Variants in DLG2 observed in about 807,000 individuals in gnomAD.
The protein encoded by DLG2 is disks large homolog 2.
Under a neutral mutation model 132.5 loss-of-function variants are expected in DLG2, and 45 were observed. That is an observed-to-expected ratio of 0.34 (90% CI 0.27 to 0.44). DLG2 has a LOEUF of 0.44. Ranked by LOEUF, DLG2 falls within the 20% of genes least tolerant of loss-of-function variation. DLG2 has a pLI of 1.00. For missense variants in DLG2, 1,045 were observed against 1,196.9 expected, an observed-to-expected ratio of 0.87 and a Z score of 1.87; for synonymous variants, 424 against 419.6, an observed-to-expected ratio of 1.01 and a Z score of -0.13.
intron 3 of DLG2, among the ~76,000 whole-genome samples, chr11:85,508,442 T>G (rs960930567): frequency 6.6e-6 from 1 of 152,056 alleles, no homozygotes; most frequent in African/African-American, 2.4e-5. Flanking sequence ...TGTCACTTTA[T>G]TAGAAATGCC....
intron 6 of DLG2, among the ~76,000 whole-genome samples, chr11:85,015,078 G>A (rs1483812517): frequency 6.6e-6 from 1 of 152,056 alleles, no homozygotes; most frequent in Non-Finnish European, 1.5e-5. Context: ...GTTCATTGAA[G>A]GCAGCTAAGT....
At chr11:83,861,523 T>C (rs906892307) in intron 16 of DLG2, among the ~76,000 whole-genome samples, 21 of 152,158 alleles carry the variant, frequency 1.4e-4, no homozygotes, top group African/African-American at 4.8e-4. Context: ...GTGGTATGTA[T>C]ACACAATGGA....
At chr11:85,471,198 A>C (rs182600346) in intron 3 of DLG2, among the ~76,000 whole-genome samples, 111 of 152,354 alleles carry the variant, frequency 7.3e-4, no homozygotes, top group African/African-American at 2.6e-3. Flanking sequence ...GGATGAAAAA[A>C]TTGGGCAAGA....
At chr11:84,159,991 G>A (rs1210068724) in intron 9 of DLG2, among the ~76,000 whole-genome samples, 3 of 152,136 alleles carry the variant, frequency 2.0e-5, no homozygotes, top group Non-Finnish European at 4.4e-5. Context: ...AGAATATTAG[G>A]GCAGCAGTTA....
At chr11:84,351,687 T>A (rs1055972634) in intron 7 of DLG2, among the ~76,000 whole-genome samples, 6 of 152,174 alleles carry the variant, frequency 3.9e-5, no homozygotes, top group Admixed American at 3.9e-4. Context: ...TTTTGACAAA[T>A]TTGTAGTCAG....
Position 84,051,308 on chromosome 11 carries a change from G to T in DLG2, c.919+8007C>A, listed in dbSNP as rs1387756732. 3.3e-5 allele frequency among the ~76,000 whole-genome samples: 5 copies of T among 151,748 alleles called. No individual in the cohort carries two copies. In the East Asian group the frequency reaches 9.7e-4, roughly 30 times the overall value. On this transcript the variant is annotated intron_variant, in intron 11 of 27. Coordinates refer to ENST00000376104, the MANE Select transcript of DLG2 (RefSeq NM_001142699.3). ...CAAAGGATTATAAATCGTGTTGCTAGAAAGACACATGCACACGTATGTTTA... is the reference window on the plus strand; with the variant it reads ...CAAAGGATTATAAATCGTGTTGCTATAAAGACACATGCACACGTATGTTTA...
intron 6 of DLG2, among the ~76,000 whole-genome samples, chr11:84,809,582 A>G (rs1216890160): frequency 6.6e-6 from 1 of 151,982 alleles, no homozygotes; most frequent in Non-Finnish European, 1.5e-5. Context: ...TCAGTAGGGT[A>G]ACACTATAAA....
At chr11:85,370,124 G>C (rs914946267) in intron 3 of DLG2, among the ~76,000 whole-genome samples, 2 of 152,130 alleles carry the variant, frequency 1.3e-5, no homozygotes, top group African/African-American at 4.8e-5. Context: ...CTGACATACG[G>C]AACTAACCAT....
chr11:83,487,591 G>C (rs183731317), intron 21 of DLG2, among the ~76,000 whole-genome samples: 97 of 152,128 alleles, frequency 6.4e-4, no homozygotes, highest in African/African-American at 2.3e-3. Context: ...ACTTAAGCCT[G>C]CTTCAAGTTT....
chr11:85,459,064 G>A (rs922513166), intron 3 of DLG2, among the ~76,000 whole-genome samples: 9 of 152,190 alleles, frequency 5.9e-5, no homozygotes, highest in African/African-American at 1.7e-4. Flanking sequence ...AGGGTGTCAG[G>A]GACAGGTAAC....
intron 3 of DLG2, among the ~76,000 whole-genome samples, chr11:85,467,608 A>G (rs988245899): frequency 6.6e-6 from 1 of 152,232 alleles, no homozygotes; most frequent in Non-Finnish European, 1.5e-5. Context: ...ATGCTGGATT[A>G]CATTTATTGA....
At position 85,017,368 on chromosome 11, in the gene DLG2, T is replaced by A. The variant is rs867307513; in HGVS notation, c.357+94293A>T. ...TTCTCTTTCTCCACTTTTTTTTTTA[T>A]TCCTTTCTTCCTGTAACCTGATTTT... On this transcript the variant is annotated intron_variant, in intron 6 of 27. Coordinates refer to ENST00000376104, the MANE Select transcript of DLG2 (RefSeq NM_001142699.3). Among the ~76,000 whole-genome samples, 69 of 138,922 alleles carry A rather than the reference T, an allele frequency of 5.0e-4. 2 individuals carry two copies. The highest frequency in any genetic ancestry group is 1.7e-3 in the African/African-American group (62 of 36,460). 91.1% of individuals were successfully genotyped at this position (138,922 alleles called of 152,430 possible). A position where few individuals can be genotyped will look rare whatever the true frequency, so the allele number is the denominator to read the frequency against.
At chr11:85,051,084 G>A (rs1275850617) in intron 6 of DLG2, among the ~76,000 whole-genome samples, 1 of 151,884 alleles carries the variant, frequency 6.6e-6, no homozygotes, top group Non-Finnish European at 1.5e-5. Context: ...TCTTAAACAG[G>A]GTAAAATGCA....
intron 6 of DLG2, among the ~76,000 whole-genome samples, chr11:84,799,772 T>C (rs1160858337): frequency 1.3e-5 from 2 of 152,166 alleles, no homozygotes; most frequent in African/African-American, 2.4e-5. Context: ...ATTCAAGAGG[T>C]AGTTATTTCC....
At chr11:83,755,785 A>G (rs2093619395) in intron 18 of DLG2, among the ~76,000 whole-genome samples, 1 of 151,356 alleles carries the variant, frequency 6.6e-6, no homozygotes, top group African/African-American at 2.5e-5. Flanking sequence ...GGAAGTGACT[A>G]TGGCGGTTAC....
At chr11:85,332,958 T>G (rs557302451) in intron 3 of DLG2, among the ~76,000 whole-genome samples, 4 of 152,328 alleles carry the variant, frequency 2.6e-5, no homozygotes, top group African/African-American at 9.6e-5. Flanking sequence ...AATATGAATT[T>G]TTGAATACCT....
chr11:85,392,271 C>T (rs1189784946), intron 3 of DLG2, among the ~76,000 whole-genome samples: 4 of 151,988 alleles, frequency 2.6e-5, no homozygotes, highest in African/African-American at 4.8e-5. Context: ...CAAAACATTG[C>T]TGTAAGAAAT....
At chr11:85,358,250 C>A (rs1173128060) in intron 3 of DLG2, among the ~76,000 whole-genome samples, 2 of 152,090 alleles carry the variant, frequency 1.3e-5, no homozygotes, top group Non-Finnish European at 1.5e-5. Context: ...TGGGATTTTT[C>A]ACTTCAATTA....
intron 6 of DLG2, among the ~76,000 whole-genome samples, chr11:84,748,100 T>C (rs963201710): frequency 2.0e-5 from 3 of 152,200 alleles, no homozygotes; most frequent in Non-Finnish European, 4.4e-5. Context: ...CAGGGCAACA[T>C]CTGCTCTCAG....
Sources: gnomAD v4.1 joint callset for allele counts (sites outside exome capture counted in the v4.1 genomes callset) on GRCh38, gnomAD v4.1.1 for gene constraint, MANE v1.5 for transcripts, NCBI Gene and HGNC (gene_info 2026-07-23, HGNC 2026-07-21) for gene names.